Variants in ASAP1 observed in about 807,000 individuals in gnomAD.
The protein encoded by ASAP1 is ArfGAP with SH3 domain, ankyrin repeat and PH domain 1, also known as arf-GAP with SH3 domain, ANK repeat and PH domain-containing protein 1.
In ASAP1, 43 loss-of-function variants were observed where a neutral mutation model predicts 145.2. That is an observed-to-expected ratio of 0.30 (90% CI 0.23 to 0.38). The LOEUF (loss-of-function observed/expected upper bound fraction) is 0.38. Ranked by LOEUF, ASAP1 falls within the 10% of genes least tolerant of loss-of-function variation. The pLI is 1.00. For missense variants in ASAP1, 1,018 were observed against 1,355.3 expected (o/e 0.75, Z 3.91); for synonymous variants, 546 against 515.5 (o/e 1.06, Z -0.80).
intron 12 of ASAP1, among the ~76,000 whole-genome samples, chr8:130,158,784 T>A (rs2097663122): frequency 6.6e-6 from 1 of 151,204 alleles, no homozygotes; most frequent in South Asian, 2.1e-4. Flanking sequence ...CAGGCTGGAG[T>A]GCAGTGGTGC....
chr8:130,195,767 C>T (rs1171788672), intron 5 of ASAP1, among the ~76,000 whole-genome samples: 1 of 152,078 alleles, frequency 6.6e-6, no homozygotes, highest in Admixed American at 6.6e-5. Flanking sequence ...CAAAAATAGC[C>T]GTTTATTCCT....
At chr8:130,090,140 C>A (rs1381639310) in intron 25 of ASAP1, among the ~76,000 whole-genome samples, 1 of 152,168 alleles carries the variant, frequency 6.6e-6, no homozygotes, top group Non-Finnish European at 1.5e-5. Flanking sequence ...GCTAGTCTTG[C>A]TCTTGAGTGA....
rs2097506817 is a variant in ASAP1 at position 130,092,106 on chromosome 8, G to C, written c.2439C>G (p.Thr813=). 1 of 1,569,954 alleles carries C rather than the reference G, an allele frequency of 6.4e-7. No homozygotes were observed. Among genetic ancestry groups the C allele is most frequent in the Admixed American group, 2.1e-5 (1 of 48,458 alleles). The part of the protein sequence containing the change: ...TGPPSTLPLS[T]QTSSGSSTLS... ...GGGTGGAGCTGCCACTAGAGGTCTG[G>C]GTGCTTAGAGGGAGTGTTGAAGGTG... Residue 813 remains threonine (T), a synonymous_variant, in exon 25 of 30, where the codon ACC becomes ACG. Coordinates refer to ENST00000518721, the MANE Select transcript of ASAP1 (RefSeq NM_018482.4).
intron 9 of ASAP1, among the ~76,000 whole-genome samples, chr8:130,175,173 G>A (rs534859404): frequency 2.6e-4 from 40 of 152,202 alleles, no homozygotes; most frequent in African/African-American, 9.4e-4. Context: ...ACTTAACACC[G>A]ACTAATGATG....
chr8:130,284,426 G>A (rs1363789649), intron 3 of ASAP1, among the ~76,000 whole-genome samples: 1 of 151,498 alleles, frequency 6.6e-6, no homozygotes, highest in Non-Finnish European at 1.5e-5. Context: ...AAAAACGGGA[G>A]TCAAATTGTA....
At chr8:130,413,729 G>A (rs1340205088) in intron 1 of ASAP1, among the ~76,000 whole-genome samples, 1 of 152,064 alleles carries the variant, frequency 6.6e-6, no homozygotes, top group Non-Finnish European at 1.5e-5. Flanking sequence ...TCTATCTGTG[G>A]CTCTGAAATC....
rs879795514 is a variant in ASAP1 at position 130,412,657 on chromosome 8, C to CT, written c.-27-10688dup. Among the ~76,000 whole-genome samples the CT allele has an allele frequency of 5.1e-3, 737 of 145,700 alleles. 4 individuals are homozygous for CT. The highest frequency in any genetic ancestry group is 0.016 in the African/African-American group (622 of 40,020). On this transcript the variant is annotated intron_variant, in intron 1 of 29. Transcript: ENST00000518721. ...AAATAACAATTTCTTTTCTTTTCTT[C>CT]TTTTTTTTTTTTGAAATGGAGTCTT...
chr8:130,193,612 A>G (rs1450787618), intron 5 of ASAP1, among the ~76,000 whole-genome samples: 1 of 152,096 alleles, frequency 6.6e-6, no homozygotes, highest in Non-Finnish European at 1.5e-5. Flanking sequence ...ATTATAAATA[A>G]CCCCTTTTCA....
chr8:130,427,174 T>C (rs1207192614), intron 1 of ASAP1, among the ~76,000 whole-genome samples: 1 of 152,088 alleles, frequency 6.6e-6, no homozygotes, highest in African/African-American at 2.4e-5. Flanking sequence ...TTTTAAGCCA[T>C]CCAGAGCTGA....
intron 28 of ASAP1, among the ~76,000 whole-genome samples, chr8:130,059,076 A>G (rs1194811047): frequency 6.6e-6 from 1 of 152,206 alleles, no homozygotes; most frequent in Non-Finnish European, 1.5e-5. Flanking sequence ...AGTATCCACC[A>G]TCAGACACGG....
chr8:130,367,611 A>T (rs1254436793), intron 2 of ASAP1, among the ~76,000 whole-genome samples: 1 of 152,194 alleles, frequency 6.6e-6, no homozygotes, highest in Non-Finnish European at 1.5e-5. Flanking sequence ...TTGTGGTTAA[A>T]ATCAGCACCT....
At chr8:130,256,738 C>CTT (rs1554860109) in intron 3 of ASAP1, among the ~76,000 whole-genome samples, 6 of 70,810 alleles carry the variant, frequency 8.5e-5, no homozygotes, top group African/African-American at 2.6e-4. Flanking sequence ...TATACACATT[C>CTT]TTATATATAT....
intron 27 of ASAP1, among the ~76,000 whole-genome samples, chr8:130,066,407 C>T (rs2097430739): frequency 6.6e-6 from 1 of 152,112 alleles, no homozygotes; most frequent in African/African-American, 2.4e-5. Flanking sequence ...GACAGGGTCT[C>T]ACTTCATTGC....
At chr8:130,428,899 C>T (rs904771760) in intron 1 of ASAP1, among the ~76,000 whole-genome samples, 9 of 152,156 alleles carry the variant, frequency 5.9e-5, no homozygotes, top group Non-Finnish European at 1.5e-5. Flanking sequence ...AATTTATTCT[C>T]TCACAATTCA....
chr8:130,288,450 T>C (rs1298340397), intron 3 of ASAP1, among the ~76,000 whole-genome samples: 1 of 152,222 alleles, frequency 6.6e-6, no homozygotes, highest in Non-Finnish European at 1.5e-5. Flanking sequence ...ACATGTTTTA[T>C]TTGGAGGCGC....
At chr8:130,064,952 G>A (rs182044959) in intron 27 of ASAP1, among the ~76,000 whole-genome samples, 261 of 150,044 alleles carry the variant, frequency 1.7e-3, no homozygotes, top group African/African-American at 6.3e-3. Context: ...ACAGCTCACT[G>A]CAGTCTCGGT....
chr8:130,173,127 A>C (rs964026961), intron 9 of ASAP1, among the ~76,000 whole-genome samples: 10 of 152,226 alleles, frequency 6.6e-5, no homozygotes, highest in Non-Finnish European at 1.0e-4. Flanking sequence ...CTCTGGGATG[A>C]ACAATTTGGA....
chr8:130,217,065 TC>T lies in ASAP1; in HGVS notation c.260-2365del, dbSNP rs1225957054. ...GGGTTACAGAAAGGAGTACTGCATT[TC>T]CCCATACTCTCAAAGTAAGGCAGGA... On this transcript the variant is annotated intron_variant, in intron 4 of 29. Transcript: ENST00000518721. Among the ~76,000 whole-genome samples, 9 of 152,176 alleles carry T rather than the reference TC, an allele frequency of 5.9e-5. No individual in the cohort carries two copies. The South Asian group carries it at 6.2e-4, about 11-fold the overall frequency.
intron 3 of ASAP1, among the ~76,000 whole-genome samples, chr8:130,307,052 C>A (rs1055949056): frequency 2.6e-5 from 4 of 152,168 alleles, no homozygotes; most frequent in Non-Finnish European, 5.9e-5. Context: ...TCTGGGCAAT[C>A]CTTACTAAGT....
Sources: allele counts gnomAD v4.1 joint callset (sites outside exome capture counted in the v4.1 genomes callset), GRCh38; gene constraint gnomAD v4.1.1; transcripts MANE v1.5; gene names NCBI Gene and HGNC (gene_info 2026-07-23, HGNC 2026-07-21).